The following GRAMD1C variants were observed in gnomAD, a reference collection of about 807,000 sequenced individuals.
GRAMD1C encodes the protein GRAM domain containing 1C.
GRAMD1C carries 89 observed loss-of-function variants against 97.8 expected under a neutral mutation model. The observed-to-expected ratio is 0.91, with a 90% confidence interval of 0.77 to 1.09. The LOEUF is 1.09. GRAMD1C is among the 50% of genes least tolerant of loss of function. The pLI, the probability that GRAMD1C is intolerant of heterozygous loss-of-function variation, is 0.00. For synonymous variants in GRAMD1C, 256 were observed against 267.0 expected, an observed-to-expected ratio of 0.96 and a Z score of 0.40; for missense variants, 740 against 766.4, an observed-to-expected ratio of 0.97 and a Z score of 0.41.
In GRAMD1C at chr3:113,936,403, T is replaced by C. The variant is rs766749182; in HGVS notation, c.1594T>C (p.Ser532Pro). 6.2e-7 allele frequency: 1 copy of C among 1,613,184 alleles called. No homozygotes were observed. The highest frequency in any genetic ancestry group is 8.5e-7 in the Non-Finnish European group (1 of 1,179,506). The change falls in exon 14 of 18, where the codon TCT becomes CCT. Residue 532 changes from serine to proline, a missense_variant. Coordinates refer to ENST00000358160, the MANE Select transcript of GRAMD1C (RefSeq NM_017577.5). ...TVPKLSSQHS[S>P]GDVGLGAKGD... ...TCCTAAACTTTCCTCTCAGCATTCC[T>C]CTGGAGATGTGGGCTTAGGTGCCAA...
intron 6 of GRAMD1C, chr3:113,885,437 C>T: frequency 6.4e-7 from 1 of 1,573,882 alleles, no homozygotes; most frequent in Non-Finnish European, 8.7e-7. Context: ...GATATCCTCC[C>T]CTTATCTCCT....
chr3:113,938,018 A>G, intron 14 of GRAMD1C, 68 bp from the exon 15 acceptor site: 1 of 860,860 alleles, frequency 1.2e-6, no homozygotes, highest in South Asian at 1.6e-5. Flanking sequence ...AAAAAAAAAA[A>G]AAAAAAATTT....
chr3:113,917,781 C>A (rs1202263324), intron 10 of GRAMD1C, among the ~76,000 whole-genome samples: 1 of 151,470 alleles, frequency 6.6e-6, no homozygotes. Flanking sequence ...CAACCTCCGC[C>A]TCCTGGGCTC....
intron 6 of GRAMD1C, among the ~76,000 whole-genome samples, chr3:113,894,581 T>C (rs1935861752): frequency 6.6e-6 from 1 of 152,062 alleles, no homozygotes; most frequent in Non-Finnish European, 1.5e-5. Flanking sequence ...GCCCGGCCTG[T>C]ACTGTTTTTA....
At chr3:113,869,831 G>A (rs985176059) in intron 3 of GRAMD1C, among the ~76,000 whole-genome samples, 12 of 152,088 alleles carry the variant, frequency 7.9e-5, no homozygotes, top group African/African-American at 1.2e-4. Context: ...TGACAATACC[G>A]AAGATATGGA....
chr3:113,877,054 C>T (rs148043667), intron 5 of GRAMD1C, among the ~76,000 whole-genome samples: 198 of 152,206 alleles, frequency 1.3e-3, no homozygotes, highest in African/African-American at 4.6e-3. Context: ...TGCCATGTTG[C>T]ACAGGCCAGC....
intron 2 of GRAMD1C, among the ~76,000 whole-genome samples, chr3:113,864,709 C>T (rs1046967427): frequency 5.3e-5 from 8 of 152,194 alleles, no homozygotes; most frequent in Non-Finnish European, 8.8e-5. Flanking sequence ...TTTCTACGGA[C>T]GTTCTGTTCA....
chr3:113,840,212 C>T (rs551176641), intron 1 of GRAMD1C, among the ~76,000 whole-genome samples: 1 of 152,238 alleles, frequency 6.6e-6, no homozygotes, highest in South Asian at 2.1e-4. Context: ...ATGATCCGCC[C>T]GCCTCGGCCT....
chr3:113,915,637 C>T, intron 9 of GRAMD1C, 64 bp from the exon 10 acceptor site: 1 of 1,400,750 alleles, frequency 7.1e-7, no homozygotes, highest in Non-Finnish European at 9.9e-7. Context: ...ACGAAACCCC[C>T]TAAAGCCTTA....
Position 113,875,401 on chromosome 3 carries a change from T to C in GRAMD1C, c.260-83T>C. The C allele has an allele frequency of 2.6e-5, 18 of 697,174 alleles. No homozygotes were observed. In the South Asian group the frequency reaches 2.9e-4, roughly 11 times the overall value. The allele number at this position is 697,174 out of a possible 1,614,324, so 43.2% of individuals were successfully genotyped here. On this transcript the variant is annotated intron_variant, in intron 3 of 17. Transcript: ENST00000358160. ...AACTAATGAACAAAAAGTGATGACT[T>C]TCCATCTGTTGAAATATAGTATAAG...
rs574255611 is a variant in GRAMD1C, at chr3:113,898,414, G to A, written c.541-2617G>A. On this transcript the variant is annotated intron_variant, in intron 6 of 17. Transcript: ENST00000358160. ...TAGTAAGACACTAAAATATTTCAAA[G>A]ATAATTTCTTTGGAAGAATGAGTTA... 1.4e-4 allele frequency among the ~76,000 whole-genome samples: 22 copies of A among 152,172 alleles called. No homozygotes were observed. The South Asian group carries it at 4.4e-3, about 30-fold the overall frequency.
At chr3:113,834,083 T>C (rs188341720), upstream of GRAMD1C, among the ~76,000 whole-genome samples, 26 of 152,296 alleles carry the variant, frequency 1.7e-4, no homozygotes, top group South Asian at 4.8e-3. Context: ...ATTAAATCTA[T>C]AGGAAAAATT....
chr3:113,840,770 G>A (rs1338895622), intron 1 of GRAMD1C, among the ~76,000 whole-genome samples: 2 of 152,118 alleles, frequency 1.3e-5, no homozygotes, highest in Non-Finnish European at 2.9e-5. Flanking sequence ...ATTTAACCAA[G>A]GTGGTAGGCC....
intron 3 of GRAMD1C, among the ~76,000 whole-genome samples, chr3:113,872,504 C>T (rs996866951): frequency 6.7e-5 from 10 of 148,224 alleles, no homozygotes; most frequent in African/African-American, 1.5e-4. Flanking sequence ...AAGTGATTCT[C>T]GTGTCTCAGC....
chr3:113,895,830 G>GT (rs1320833435), intron 6 of GRAMD1C, among the ~76,000 whole-genome samples: 1 of 152,064 alleles, frequency 6.6e-6, no homozygotes, highest in Non-Finnish European at 1.5e-5. Context: ...CCAGCCAGCC[G>GT]TGTCTAGTTG....
chr3:113,863,696 C>T (rs74618041), intron 2 of GRAMD1C, among the ~76,000 whole-genome samples: 1,531 of 152,298 alleles, frequency 0.01, 39 homozygotes, highest in African/African-American at 0.035. Flanking sequence ...AGCCCTGCCT[C>T]CATGATTTTG....
intron 10 of GRAMD1C, chr3:113,919,477 T>G: frequency 1.9e-6 from 1 of 523,684 alleles, no homozygotes; most frequent in East Asian, 5.2e-5. Context: ...GTAATGCTCA[T>G]GAATTTATAA....
At chr3:113,879,961 C>T (rs1375979588) in intron 5 of GRAMD1C, among the ~76,000 whole-genome samples, 3 of 151,868 alleles carry the variant, frequency 2.0e-5, no homozygotes, top group Non-Finnish European at 2.9e-5. Flanking sequence ...CCCAAAGTGT[C>T]GGGATTACCA....
At chr3:113,930,285 T>C (rs1373497158) in intron 10 of GRAMD1C, among the ~76,000 whole-genome samples, 23 of 152,220 alleles carry the variant, frequency 1.5e-4, no homozygotes, top group Admixed American at 1.4e-3. Context: ...TAAGTTGATA[T>C]CAAGGTCATA....
Sources: gnomAD v4.1 joint callset for allele counts (sites outside exome capture counted in the v4.1 genomes callset) on GRCh38, gnomAD v4.1.1 for gene constraint, MANE v1.5 for transcripts, NCBI Gene and HGNC (gene_info 2026-07-23, HGNC 2026-07-21) for gene names.